The following NEURL1 variants were observed in gnomAD, a reference collection of about 807,000 sequenced individuals.
NEURL1 encodes neuralized E3 ubiquitin protein ligase 1.
Under a neutral mutation model 41.2 loss-of-function variants are expected in NEURL1, and 26 were observed. That is an observed-to-expected ratio of 0.63 (90% CI 0.46 to 0.87). The LOEUF is 0.87. Ranked by LOEUF, NEURL1 falls within the 40% of genes least tolerant of loss-of-function variation. The pLI, the probability that NEURL1 is intolerant of heterozygous loss-of-function variation, is 0.00. For synonymous variants in NEURL1, 400 were observed against 402.3 expected, an observed-to-expected ratio of 0.99 and a Z score of 0.07; for missense variants, 761 against 871.1, an observed-to-expected ratio of 0.87 and a Z score of 1.59.
intron 1 of NEURL1, among the ~76,000 whole-genome samples, chr10:103,543,002 A>G (rs546065502): frequency 6.6e-6 from 1 of 152,320 alleles, no homozygotes; most frequent in Non-Finnish European, 1.5e-5. Flanking sequence ...GGGAAGCCAC[A>G]GGCAATTGCA....
intron 1 of NEURL1, among the ~76,000 whole-genome samples, chr10:103,563,456 C>T (rs1484875109): frequency 2.0e-5 from 3 of 152,066 alleles, no homozygotes; most frequent in African/African-American, 7.2e-5. Flanking sequence ...CTCGCCCCAC[C>T]GCCCAGAAAG....
At chr10:103,536,660 C>T (rs80001781) in intron 1 of NEURL1, among the ~76,000 whole-genome samples, 8,203 of 152,100 alleles carry the variant, frequency 0.054, 722 homozygotes, top group African/African-American at 0.19. Context: ...GTTCTCCTCC[C>T]GAGTGTGATA....
At chr10:103,529,093 G>A (rs1198162127) in intron 1 of NEURL1, among the ~76,000 whole-genome samples, 2 of 152,274 alleles carry the variant, frequency 1.3e-5, no homozygotes, top group East Asian at 3.9e-4. Context: ...GTGTACCATA[G>A]TTTTTGAAAT....
intron 1 of NEURL1, among the ~76,000 whole-genome samples, chr10:103,544,068 C>A (rs920442325): frequency 6.6e-6 from 1 of 152,118 alleles, no homozygotes; most frequent in Admixed American, 6.5e-5. Context: ...GGCAGAGATG[C>A]CCGCCTGGCA....
At chr10:103,575,271 C>G (rs1463465922) in intron 3 of NEURL1, among the ~76,000 whole-genome samples, 1 of 151,948 alleles carries the variant, frequency 6.6e-6, no homozygotes, top group East Asian at 1.9e-4. Context: ...TTCTTGCTTT[C>G]CCTGGTCTTG....
chr10:103,570,177 G>A (rs1358815895), intron 1 of NEURL1, among the ~76,000 whole-genome samples: 2 of 152,190 alleles, frequency 1.3e-5, no homozygotes, highest in Non-Finnish European at 2.9e-5. Context: ...TCACGGTTCT[G>A]TTTCCCCACG....
At position 103,566,656 on chromosome 10, in the gene NEURL1, C is replaced by T. The variant is rs771071077; in HGVS notation, c.86-4216C>T. On this transcript the variant is annotated intron_variant, in intron 1 of 5. Coordinates refer to ENST00000369780, the MANE Select transcript of NEURL1 (RefSeq NM_004210.5). The surrounding 1 kb of genome is among the most constrained non-coding windows in gnomAD (Gnocchi z 4.2). ...GGTTATTATGAATAAAGCTGCTGTACGTTTGTGTACAGGTCATTGTGTGGA... is the reference window on the plus strand; with the variant it reads ...GGTTATTATGAATAAAGCTGCTGTATGTTTGTGTACAGGTCATTGTGTGGA... Among the ~76,000 whole-genome samples the T allele has an allele frequency of 1.3e-5, 2 of 152,248 alleles. No homozygotes were observed. The highest frequency in any genetic ancestry group is 1.5e-5 in the Non-Finnish European group (1 of 68,026).
rs1356098931 is a variant in NEURL1, at chr10:103,556,231, T to C, written c.86-14641T>C. Among the ~76,000 whole-genome samples, 5 of 152,338 alleles carry C rather than the reference T, an allele frequency of 3.3e-5. No individual in the cohort carries two copies. The highest frequency in any genetic ancestry group is 2.1e-4 in the South Asian group (1 of 4,830). ...TCCAAACCCTGTCCTCTTGTTCCCC[T>C]AGCTCTAGTACTGTGGTCTTGGGAG... On this transcript the variant is annotated intron_variant, in intron 1 of 5. Coordinates refer to ENST00000369780, the MANE Select transcript of NEURL1 (RefSeq NM_004210.5). This position sits in a 1 kb window ranked among gnomAD's most constrained non-coding sequence, Gnocchi z 4.4.
At chr10:103,570,564 G>A (rs1379235290) in intron 1 of NEURL1, among the ~76,000 whole-genome samples, 3 of 150,540 alleles carry the variant, frequency 2.0e-5, no homozygotes, top group Middle Eastern at 3.4e-3. Flanking sequence ...ATGGTAGGTG[G>A]TGAGAGGCAG....
At chr10:103,504,155 G>T (rs746628142) in intron 1 of NEURL1, among the ~76,000 whole-genome samples, 1 of 151,758 alleles carries the variant, frequency 6.6e-6, no homozygotes, top group South Asian at 2.1e-4. Context: ...CACCACGCCC[G>T]GCTAATTTTT....
chr10:103,535,973 T>C (rs904153600), intron 1 of NEURL1, among the ~76,000 whole-genome samples: 2 of 152,156 alleles, frequency 1.3e-5, no homozygotes, highest in Non-Finnish European at 2.9e-5. Context: ...GGCTTCTTCT[T>C]TGGAGGAGCA....
chr10:103,541,034 C>T (rs1254884492), intron 1 of NEURL1, among the ~76,000 whole-genome samples: 1 of 152,160 alleles, frequency 6.6e-6, no homozygotes, highest in Non-Finnish European at 1.5e-5. Context: ...AGGGTCAGTA[C>T]TGCTTATAAA....
intron 3 of NEURL1, among the ~76,000 whole-genome samples, chr10:103,583,319 C>G (rs1291228728): frequency 1.3e-5 from 2 of 151,998 alleles, no homozygotes; most frequent in Non-Finnish European, 2.9e-5. Flanking sequence ...GTTCATTTTT[C>G]TGGGGAAAAG....
At chr10:103,563,010 C>A (rs1453442481) in intron 1 of NEURL1, among the ~76,000 whole-genome samples, 2 of 152,174 alleles carry the variant, frequency 1.3e-5, no homozygotes, top group African/African-American at 2.4e-5. Flanking sequence ...GCTTTCCAAC[C>A]ATTCTCCTAA....
In NEURL1 at chr10:103,584,544, C is replaced by A; in HGVS notation, c.658C>A (p.Leu220Met). ...TRGVQLLDSE[L>M]VLPDCLRPRS... ...CCGTGTCTCCCGCGCAGATAGCGAG[C>A]TGGTGCTCCCGGACTGTCTGCGGCC... Residue 220 changes from leucine to methionine, a missense_variant, in exon 4 of 6, where the codon CTG (leucine) becomes ATG (methionine). Around this residue, in one of 5 missense-constraint regions of NEURL1, gnomAD observed 114 missense variants for 144.8 expected, o/e 0.79. Transcript: ENST00000369780. 1 of 1,376,718 alleles carries A rather than the reference C, an allele frequency of 7.3e-7. No homozygotes were observed. Among genetic ancestry groups the A allele is most frequent in the Non-Finnish European group, 9.3e-7 (1 of 1,070,316 alleles). The allele number at this position is 1,376,718 out of a possible 1,614,324, so 85.3% of individuals were successfully genotyped here.
At chr10:103,543,406 C>T (rs570996987) in intron 1 of NEURL1, among the ~76,000 whole-genome samples, 8 of 152,334 alleles carry the variant, frequency 5.3e-5, no homozygotes, top group African/African-American at 1.7e-4. Flanking sequence ...CTTTGGGTCT[C>T]ACTGGGTCCA....
chr10:103,514,761 T>A (rs2034159506), intron 1 of NEURL1, among the ~76,000 whole-genome samples: 1 of 152,048 alleles, frequency 6.6e-6, no homozygotes. Flanking sequence ...CCAGGGACCC[T>A]AAGGGCCCCA....
chr10:103,553,876 C>A (rs1280511978), intron 1 of NEURL1, among the ~76,000 whole-genome samples: 1 of 152,222 alleles, frequency 6.6e-6, no homozygotes, highest in African/African-American at 2.4e-5. Flanking sequence ...CAGGCCAGGG[C>A]CAGGGAGGAT....
At position 103,584,783 on chromosome 10, in the gene NEURL1, G is replaced by A. The variant is rs771562061; in HGVS notation, c.897G>A (p.Leu299=). The change falls in exon 4 of 6, where the codon CTG becomes CTA. Residue 299 remains leucine (L), a synonymous_variant. Coordinates refer to ENST00000369780, the MANE Select transcript of NEURL1 (RefSeq NM_004210.5). The part of the protein sequence containing the change: ...QLDGDLRFHA[L]RAGAHVRILD... ...ACGGCGACCTGCGTTTCCACGCCCTGCGCGCCGGCGCGCACGTCCGCATCC... is the reference window on the plus strand; with the variant it reads ...ACGGCGACCTGCGTTTCCACGCCCTACGCGCCGGCGCGCACGTCCGCATCC... The A allele has an allele frequency of 9.7e-6, 14 of 1,437,234 alleles. No individual in the cohort carries two copies. Among genetic ancestry groups the A allele is most frequent in the African/African-American group, 1.5e-5 (1 of 66,832 alleles). The allele number at this position is 1,437,234 out of a possible 1,614,324, so 89.0% of individuals were successfully genotyped here.
Sources: gnomAD v4.1 joint callset for allele counts (sites outside exome capture counted in the v4.1 genomes callset) on GRCh38, gnomAD v4.1.1 for gene constraint, gnomAD v4.1.1 regional missense constraint, Gnocchi (gnomAD v3.1) non-coding constraint, MANE v1.5 for transcripts, NCBI Gene and HGNC (gene_info 2026-07-23, HGNC 2026-07-21) for gene names.